Variants in FOXN3 observed in about 807,000 individuals in gnomAD.
FOXN3 encodes the protein forkhead box protein N3.
A neutral mutation model predicts 38.4 loss-of-function variants in FOXN3; 7 were observed. The ratio of observed to expected loss-of-function variants is 0.18; its 90% CI spans 0.10 to 0.34. The LOEUF (loss-of-function observed/expected upper bound fraction) is 0.34. Ranked by LOEUF, FOXN3 falls within the 10% of genes least tolerant of loss-of-function variation. The pLI, the probability that FOXN3 is intolerant of heterozygous loss-of-function variation, is 1.00. For synonymous variants in FOXN3, 230 were observed against 242.2 expected (o/e 0.95, Z 0.47); for missense variants, 456 against 613.4 (o/e 0.74, Z 2.71).
At chr14:89,521,919 G>C (rs950831052) in intron 1 of FOXN3, among the ~76,000 whole-genome samples, 1 of 151,902 alleles carries the variant, frequency 6.6e-6, no homozygotes, top group Non-Finnish European at 1.5e-5. Context: ...CAGGAGGCTG[G>C]GGGTAGGGGT....
chr14:89,489,049 G>A (rs1285324570), intron 1 of FOXN3, among the ~76,000 whole-genome samples: 1 of 152,110 alleles, frequency 6.6e-6, no homozygotes, highest in East Asian at 1.9e-4. Flanking sequence ...GTGAACAAGG[G>A]GGTACTGAAA....
chr14:89,584,806 G>A lies in FOXN3; in HGVS notation c.-15+34222C>T, dbSNP rs565873812. On this transcript the variant is annotated intron_variant, in intron 1 of 6. Coordinates refer to the FOXN3 transcript ENST00000345097. ...TGGCTCACTGCAAACTCTGCCTCCC[G>A]GGTTCAAACAATTCTTCCACCTCAG... Among the ~76,000 whole-genome samples, 11 of 151,946 alleles carry A rather than the reference G, an allele frequency of 7.2e-5. 1 individual carries two copies. The East Asian group carries it at 1.4e-3, about 19-fold the overall frequency.
chr14:89,429,267 C>T (rs1892109478), intron 1 of FOXN3, among the ~76,000 whole-genome samples: 1 of 152,214 alleles, frequency 6.6e-6, no homozygotes, highest in African/African-American at 2.4e-5. Context: ...TCTTTACCCT[C>T]ATCACACTGA....
intron 3 of FOXN3, among the ~76,000 whole-genome samples, chr14:89,284,022 G>A (rs1001438932): frequency 1.8e-4 from 28 of 152,016 alleles, no homozygotes; most frequent in African/African-American, 5.6e-4. Flanking sequence ...CAGCAAGCCC[G>A]GCTAATTTTT....
rs1892812859 is a variant in FOXN3 at position 89,460,158 on chromosome 14, T to C, written c.-14-47668A>G. Reference sequence around the variant, plus strand: ...CATTTTGTTGTAAAAGACAAGGACATCCTAGTTACACCATTTTTTCCTGAG... The same window carrying C: ...CATTTTGTTGTAAAAGACAAGGACACCCTAGTTACACCATTTTTTCCTGAG... On this transcript the variant is annotated intron_variant, in intron 1 of 6. Coordinates refer to the FOXN3 transcript ENST00000345097. 2.0e-5 allele frequency among the ~76,000 whole-genome samples: 3 copies of C among 152,196 alleles called. No homozygotes were observed. In the South Asian group the frequency reaches 6.2e-4, roughly 32 times the overall value.
intron 4 of FOXN3, among the ~76,000 whole-genome samples, chr14:89,186,808 G>GC (rs1887820700): frequency 6.6e-6 from 1 of 152,214 alleles, no homozygotes; most frequent in Non-Finnish European, 1.5e-5. Flanking sequence ...CCGCTGCACT[G>GC]CAAGTGAAGC....
intron 1 of FOXN3, among the ~76,000 whole-genome samples, chr14:89,556,131 T>G (rs749425854): frequency 8.5e-5 from 13 of 152,090 alleles, no homozygotes; most frequent in Non-Finnish European, 1.3e-4. Flanking sequence ...AGGCCGGGTG[T>G]GATGGCTTAT....
At chr14:89,586,440 A>C (rs948081273) in intron 1 of FOXN3, among the ~76,000 whole-genome samples, 4 of 152,176 alleles carry the variant, frequency 2.6e-5, no homozygotes, top group African/African-American at 9.7e-5. Flanking sequence ...CCAGCATCAG[A>C]AGCTGATGCG....
intron 4 of FOXN3, among the ~76,000 whole-genome samples, chr14:89,204,819 C>T (rs1888335912): frequency 6.6e-6 from 1 of 151,824 alleles, no homozygotes; most frequent in African/African-American, 2.4e-5. Flanking sequence ...TCCATCCATC[C>T]ATCCATCCAT....
At position 89,308,944 on chromosome 14, in the gene FOXN3, G is replaced by A. The variant is rs1269373276; in HGVS notation, c.681-27930C>T. On this transcript the variant is annotated intron_variant, in intron 3 of 5. Transcript: ENST00000557258. ...CAGGTATCTGAAGCCCCTGGGGACA[G>A]CTCTTGCAGCCTGAGGGGTCTCCTG... 3.9e-5 allele frequency among the ~76,000 whole-genome samples: 6 copies of A among 152,200 alleles called. No individual in the cohort carries two copies. In the East Asian group the frequency reaches 1.2e-3, roughly 29 times the overall value.
At chr14:89,171,365 T>C (rs969343298) in intron 5 of FOXN3, among the ~76,000 whole-genome samples, 2 of 152,094 alleles carry the variant, frequency 1.3e-5, no homozygotes, top group Non-Finnish European at 2.9e-5. Context: ...CATTAAGCAA[T>C]AGATATTTCC....
At chr14:89,320,716 A>G (rs983131043) in intron 3 of FOXN3, among the ~76,000 whole-genome samples, 4 of 152,254 alleles carry the variant, frequency 2.6e-5, no homozygotes, top group Non-Finnish European at 1.5e-5. Flanking sequence ...TAAAGCAGGA[A>G]GGCTGATAGC....
chr14:89,256,249 A>G (rs1416795766), intron 4 of FOXN3, among the ~76,000 whole-genome samples: 1 of 152,186 alleles, frequency 6.6e-6, no homozygotes, highest in Admixed American at 6.5e-5. Context: ...AATATGCTTC[A>G]AACTCTCTCA....
At chr14:89,241,970 G>T (rs11159892) in intron 4 of FOXN3, among the ~76,000 whole-genome samples, 41 of 152,174 alleles carry the variant, frequency 2.7e-4, no homozygotes, top group African/African-American at 9.6e-4. Flanking sequence ...CGGACAAGGC[G>T]TCAGGACCAG....
At chr14:89,399,014 T>G (rs1197796978) in intron 2 of FOXN3, among the ~76,000 whole-genome samples, 2 of 152,210 alleles carry the variant, frequency 1.3e-5, no homozygotes, top group African/African-American at 4.8e-5. Flanking sequence ...TAAAATGGTC[T>G]TCAAATGATC....
At chr14:89,519,352 T>G (rs905388422) in intron 1 of FOXN3, among the ~76,000 whole-genome samples, 5 of 152,102 alleles carry the variant, frequency 3.3e-5, no homozygotes, top group African/African-American at 7.2e-5. Context: ...TCCCTCACCT[T>G]CAGGGAGGTT....
intron 1 of FOXN3, among the ~76,000 whole-genome samples, chr14:89,537,905 A>G (rs531953080): frequency 5.3e-5 from 8 of 152,220 alleles, no homozygotes; most frequent in Non-Finnish European, 7.3e-5. Flanking sequence ...TCCTTCTTCA[A>G]AAGTACCTCA....
chr14:89,498,694 C>A (rs1893737420), intron 1 of FOXN3, among the ~76,000 whole-genome samples: 1 of 151,880 alleles, frequency 6.6e-6, no homozygotes, highest in South Asian at 2.1e-4. Flanking sequence ...GTGAATGTTT[C>A]CAGAACGCAG....
intron 4 of FOXN3, among the ~76,000 whole-genome samples, chr14:89,277,549 C>T (rs908366028): frequency 1.3e-5 from 2 of 152,180 alleles, no homozygotes; most frequent in Admixed American, 6.5e-5. Flanking sequence ...CCATTATCCT[C>T]GAAACCGAGA....
Sources: allele counts gnomAD v4.1 joint callset (sites outside exome capture counted in the v4.1 genomes callset), GRCh38; gene constraint gnomAD v4.1.1; transcripts MANE v1.5; gene names NCBI Gene and HGNC (gene_info 2026-07-23, HGNC 2026-07-21).